Variants in MUC17 observed in about 807,000 individuals in gnomAD.
MUC17 encodes mucin-17.
A neutral mutation model predicts 170.3 loss-of-function variants in MUC17; 190 were observed. The ratio of observed to expected loss-of-function variants is 1.12; its 90% CI spans 0.99 to 1.26. MUC17 has a LOEUF of 1.26. Ranked by LOEUF, MUC17 falls within the 50% of genes most tolerant of loss-of-function variation. The pLI is 0.00. For missense variants in MUC17, 6,415 were observed against 5,530.0 expected (o/e 1.16, Z -5.08); for synonymous variants, 2,325 against 2,002.5 (o/e 1.16, Z -4.30).
chr7:101,041,401 A>T lies in MUC17; in HGVS notation c.9985A>T (p.Ser3329Cys). 3 of 1,613,774 alleles carry T rather than the reference A, an allele frequency of 1.9e-6. No homozygotes were observed. The highest frequency in any genetic ancestry group is 2.5e-6 in the Non-Finnish European group (3 of 1,179,798). The change falls in exon 3 of 13, where the codon AGC becomes TGC. Residue 3329 changes from serine (S) to cysteine (C), a missense_variant. Physicochemically the swap from Ser to Cys is moderately radical, Grantham distance 112. Coordinates refer to ENST00000306151, the MANE Select transcript of MUC17 (RefSeq NM_001040105.2). ...SSSPPIADGT[S>C]MPTSTYSEGS... Reference sequence around the variant, plus strand: ...ATCTCCTCCAATTGCTGACGGTACTAGCATGCCAACCTCAACTTATAGTGA... The same window carrying T: ...ATCTCCTCCAATTGCTGACGGTACTTGCATGCCAACCTCAACTTATAGTGA...
Position 101,039,477 on chromosome 7 carries a change from T to C in MUC17, c.8061T>C (p.Pro2687=), listed in dbSNP as rs938505571. ...GTAGCAGCATGCCAACCTCAACTCC[T>C]GGTGAAAGAAGCACTCCATTAACAA... ...AEGSSMPTST[P]GERSTPLTNI... is the part of the protein sequence containing the mutation. Residue 2687 remains proline, a synonymous_variant, in exon 3 of 13, where the codon CCT becomes CCC. Transcript: ENST00000306151. 13 of 1,611,310 alleles carry C rather than the reference T, an allele frequency of 8.1e-6. No individual in the cohort carries two copies. Among genetic ancestry groups the C allele is most frequent in the Non-Finnish European group, 1.0e-5 (12 of 1,178,856 alleles).
In MUC17 at chr7:101,039,311, G is replaced by C; in HGVS notation, c.7895G>C (p.Ser2632Thr). ...SMPISTPSEV[S>T]TSLTSILVST... Reference sequence around the variant, plus strand: ...CCAATCTCAACTCCTAGTGAAGTAAGTACTTCATTAACAAGTATACTTGTC... The same window carrying C: ...CCAATCTCAACTCCTAGTGAAGTAACTACTTCATTAACAAGTATACTTGTC... The change falls in exon 3 of 13, where the codon AGT (serine) becomes ACT (threonine). Residue 2632 changes from serine to threonine, a missense_variant. Transcript: ENST00000306151. 6.2e-7 allele frequency: 1 copy of C among 1,612,978 alleles called. No individual in the cohort carries two copies. Among genetic ancestry groups the C allele is most frequent in the Non-Finnish European group, 8.5e-7 (1 of 1,179,570 alleles).
At chr7:101,031,445 C>G (rs1275804178) in intron 2 of MUC17, among the ~76,000 whole-genome samples, 156 bp from the exon 3 acceptor site, 1 of 152,192 alleles carries the variant, frequency 6.6e-6, no homozygotes, top group Middle Eastern at 3.2e-3. Context: ...GCAGGAGAGA[C>G]TAACACACTG....
At chr7:101,027,149 A>G (rs1794195271) in intron 1 of MUC17, among the ~76,000 whole-genome samples, 1 of 152,168 alleles carries the variant, frequency 6.6e-6, no homozygotes, top group Non-Finnish European at 1.5e-5. Flanking sequence ...GCAACATAGC[A>G]AGACCCCATC....
At chr7:101,050,222 C>T (rs767210112) in intron 6 of MUC17, among the ~76,000 whole-genome samples, 36 of 152,170 alleles carry the variant, frequency 2.4e-4, no homozygotes, top group South Asian at 4.1e-4. Context: ...TAAGACCTAC[C>T]AGAGACTCCC....
chr7:101,050,485 C>A lies in MUC17; in HGVS notation c.12724C>A (p.Leu4242Ile). 6.2e-7 allele frequency: 1 copy of A among 1,612,850 alleles called. No homozygotes were observed. Among genetic ancestry groups the A allele is most frequent in the South Asian group, 1.1e-5 (1 of 90,872 alleles). ...YVGVNITKLR[L>I]GSVVVEHDVL... ...GGACGTCTTCCCTTCCCTCTTCAGT[C>A]TTGGCAGTGTGGTGGTGGAGCATGA... is the stretch of plus-strand genomic sequence containing the variant. The change falls in exon 7 of 13, where the codon CTT (leucine) becomes ATT (isoleucine). Residue 4242 changes from leucine to isoleucine, a missense_variant and splice_region_variant. Leu to Ile is a conservative substitution (Grantham distance 5, BLOSUM62 2). Transcript: ENST00000306151.
At chr7:101,043,851 A>G in intron 3 of MUC17, 32 bp downstream of exon 3, 1 of 1,552,310 alleles carries the variant, frequency 6.4e-7, no homozygotes, top group South Asian at 1.2e-5. Flanking sequence ...CCTTTTTTTT[A>G]AAATTATACT....
chr7:101,056,368 G>A, intron 12 of MUC17, 98 bp downstream of exon 12: 1 of 1,523,688 alleles, frequency 6.6e-7, no homozygotes, highest in Non-Finnish European at 8.9e-7. Flanking sequence ...ACAGAACCAT[G>A]TTTACAGTTT....
chr7:101,045,341 T>C (rs879544252), intron 3 of MUC17, among the ~76,000 whole-genome samples: 4 of 152,172 alleles, frequency 2.6e-5, no homozygotes, highest in African/African-American at 9.6e-5. Context: ...CTTTGTGATT[T>C]TTTTCCTTTG....
chr7:101,042,124 A>C lies in MUC17; in HGVS notation c.10708A>C (p.Thr3570Pro). The change falls in exon 3 of 13, where the codon ACT becomes CCT. Residue 3570 changes from threonine to proline, a missense_variant. Transcript: ENST00000306151. ...TCAGGTCACCACTATGCGTATGTCT[A>C]CTCCAAGTGAAGGAAGCTCTTCATT... The part of the protein sequence containing the change: ...TLQVTTMRMS[T>P]PSEGSSSLTT... 6.2e-7 allele frequency: 1 copy of C among 1,614,090 alleles called. No homozygotes were observed. The highest frequency in any genetic ancestry group is 8.5e-7 in the Non-Finnish European group (1 of 1,180,012).
intron 3 of MUC17, among the ~76,000 whole-genome samples, chr7:101,046,999 T>A (rs1288517458): frequency 6.6e-6 from 1 of 150,848 alleles, no homozygotes; most frequent in Non-Finnish European, 1.5e-5. Flanking sequence ...GAGAATGGCG[T>A]GAACCTGGGA....
intron 9 of MUC17, 119 bp downstream of exon 9, chr7:101,052,081 T>TGA: frequency 1.7e-6 from 2 of 1,195,138 alleles, no homozygotes; most frequent in Non-Finnish European, 2.4e-6. Context: ...TCCCAGCGTC[T>TGA]CCTGAATGTG....
intron 3 of MUC17, among the ~76,000 whole-genome samples, chr7:101,045,085 G>A (rs535542368): frequency 3.1e-4 from 47 of 152,204 alleles, no homozygotes; most frequent in African/African-American, 1.1e-3. Context: ...ATAATATCCT[G>A]TATATTTTAT....
In MUC17 at chr7:101,042,643, A is replaced by G; in HGVS notation, c.11227A>G (p.Met3743Val). 1.9e-6 allele frequency: 3 copies of G among 1,614,038 alleles called. No homozygotes were observed. Among genetic ancestry groups the G allele is most frequent in the Non-Finnish European group, 2.5e-6 (3 of 1,180,024 alleles). The change falls in exon 3 of 13, where the codon ATG becomes GTG. Residue 3743 changes from methionine to valine, a missense_variant. Coordinates refer to ENST00000306151, the MANE Select transcript of MUC17 (RefSeq NM_001040105.2). ...SSSATLDSTTMSVSMPMEIST... is the reference protein window; with the variant it reads ...SSSATLDSTTVSVSMPMEIST... ...TTCTGCAACTCTTGACAGCACCACC[A>G]TGTCTGTGTCAATGCCCATGGAAAT...
rs1794991031 is a variant in MUC17, at chr7:101,053,444, C to G, written c.13363+8C>G. 1 of 1,610,226 alleles carries G rather than the reference C, an allele frequency of 6.2e-7. No homozygotes were observed. Among genetic ancestry groups the G allele is most frequent in the Non-Finnish European group, 8.5e-7 (1 of 1,177,148 alleles). On this transcript the variant is annotated splice_region_variant and intron_variant, in intron 11 of 12. Transcript: ENST00000306151. ...GCTTTGACATCTGCCAAGGTATTGG[C>G]CTTCCTCTCTGAACTCAGAATGGCT...
At chr7:101,029,111 C>T (rs1294417317) in intron 1 of MUC17, among the ~76,000 whole-genome samples, 1 of 151,942 alleles carries the variant, frequency 6.6e-6, no homozygotes, top group Non-Finnish European at 1.5e-5. Context: ...TCACTTGAAC[C>T]CAGAAGGCAG....
chr7:101,031,532 A>G, intron 2 of MUC17, 69 bp from the exon 3 acceptor site: 2 of 1,447,816 alleles, frequency 1.4e-6, no homozygotes, highest in Non-Finnish European at 1.8e-6. Flanking sequence ...AAGCCCAACT[A>G]CAACAATCAC....
chr7:101,042,735 C>A lies in MUC17; in HGVS notation c.11319C>A (p.Thr3773=). 6.2e-7 allele frequency: 1 copy of A among 1,613,818 alleles called. No individual in the cohort carries two copies. The highest frequency in any genetic ancestry group is 8.5e-7 in the Non-Finnish European group (1 of 1,180,012). ...TPVTRFPESS[T]PSIPSVYTSM... ...TTACGAGGTTTCCTGAGAGTAGCACCCCTTCCATACCATCTGTTTACACCA... is the reference window on the plus strand; with the variant it reads ...TTACGAGGTTTCCTGAGAGTAGCACACCTTCCATACCATCTGTTTACACCA... Residue 3773 remains threonine (T), a synonymous_variant, in exon 3 of 13, where the codon ACC becomes ACA. Transcript: ENST00000306151.
chr7:101,053,321 T>A lies in MUC17; in HGVS notation c.13266-18T>A. On this transcript the variant is annotated intron_variant, in intron 10 of 12. Coordinates refer to ENST00000306151, the MANE Select transcript of MUC17 (RefSeq NM_001040105.2). ...TTCCCCAATCCTAATGGGGTCTCTC[T>A]GATGTTTCCATCACTAGGCAAAAGT... The A allele has an allele frequency of 6.2e-7, 1 of 1,610,846 alleles. No individual in the cohort carries two copies. Among genetic ancestry groups the A allele is most frequent in the Non-Finnish European group, 8.5e-7 (1 of 1,177,020 alleles).
Sources: allele counts gnomAD v4.1 joint callset (sites outside exome capture counted in the v4.1 genomes callset), GRCh38; gene constraint gnomAD v4.1.1; transcripts MANE v1.5; gene names NCBI Gene and HGNC (gene_info 2026-07-23, HGNC 2026-07-21).